DST: variants seen among roughly 807,000 people sequenced by gnomAD.
DST encodes dystonin.
A neutral mutation model predicts 875.2 loss-of-function variants in DST; 253 were observed. The observed-to-expected ratio is 0.29, with a 90% confidence interval of 0.26 to 0.32. The LOEUF is 0.32. Among genes scored for constraint, DST ranks in the 10% least tolerant of loss-of-function variants. The pLI is 1.00. For missense variants in DST, 8,287 were observed against 9,111.6 expected (o/e 0.91, Z 3.68); for synonymous variants, 3,124 against 3,197.1 (o/e 0.98, Z 0.77).
At chr6:56,896,464 T>C (rs533594834) in intron 3 of DST, among the ~76,000 whole-genome samples, 8 of 152,318 alleles carry the variant, frequency 5.3e-5, no homozygotes, top group African/African-American at 1.7e-4. Context: ...TCCCCAGCCA[T>C]GTGGAACTGT....
At chr6:56,566,163 A>T (rs532699729) in intron 55 of DST, among the ~76,000 whole-genome samples, 1 of 152,198 alleles carries the variant, frequency 6.6e-6, no homozygotes, top group East Asian at 1.9e-4. Flanking sequence ...GAGCTAGACC[A>T]CTTAGCTCCA....
At chr6:56,524,674 TA>T (rs2096765887) in intron 69 of DST, among the ~76,000 whole-genome samples, 1 of 152,142 alleles carries the variant, frequency 6.6e-6, no homozygotes, top group South Asian at 2.1e-4. Context: ...GAAATGAAGA[TA>T]AAAATACACA....
chr6:56,752,690 T>A (rs1375835981), intron 4 of DST, among the ~76,000 whole-genome samples: 4 of 152,256 alleles, frequency 2.6e-5, no homozygotes, highest in Admixed American at 2.6e-4. Flanking sequence ...TTTGACTGTA[T>A]GGACTTACCA....
chr6:56,529,633 C>T lies in DST; in HGVS notation c.17410G>A (p.Glu5804Lys). The change falls in exon 66 of 104, where the codon GAG becomes AAG. Residue 5804 changes from glutamate (E) to lysine (K), a missense_variant. Transcript: ENST00000680361. ...KLDFSQVWYI[E>K]IQEKSHSRSE... ...CTGCTGTGACTTTTCTCTTGAATCT[C>T]AATGTACCATACTTGAGAGAAGTCT... 6.2e-7 allele frequency: 1 copy of T among 1,613,792 alleles called. No homozygotes were observed. Among genetic ancestry groups the T allele is most frequent in the Non-Finnish European group, 8.5e-7 (1 of 1,179,778 alleles).
In DST at chr6:56,502,291, C is replaced by T. The variant is rs183581147; in HGVS notation, c.19567-598G>A. ...CAACCAACAGGTTAGCAAACAGTTG[C>T]TTGTAATAGGTAACTGTCCTTTCAT... On this transcript the variant is annotated intron_variant, in intron 78 of 103. Transcript: ENST00000680361. Among the ~76,000 whole-genome samples, 38 of 152,196 alleles carry T rather than the reference C, an allele frequency of 2.5e-4. No individual in the cohort carries two copies. The East Asian group carries it at 5.6e-3, about 22-fold the overall frequency.
At chr6:56,821,715 T>C (rs1449824150) in intron 4 of DST, among the ~76,000 whole-genome samples, 1 of 152,216 alleles carries the variant, frequency 6.6e-6, no homozygotes, top group African/African-American at 2.4e-5. Context: ...GAAAACAGTT[T>C]TACTAAACTG....
intron 84 of DST, 48 bp downstream of exon 84, chr6:56,492,886 A>C: frequency 7.2e-7 from 1 of 1,382,476 alleles, no homozygotes; most frequent in Non-Finnish European, 9.5e-7. Flanking sequence ...AAAAAAAAAA[A>C]GCCTGGTGTC....
chr6:56,728,018 A>T (rs569050397), intron 5 of DST, among the ~76,000 whole-genome samples: 1 of 152,340 alleles, frequency 6.6e-6, no homozygotes, highest in East Asian at 1.9e-4. Flanking sequence ...GGTCAAGCAC[A>T]TAATAAGCAC....
intron 23 of DST, 78 bp from the exon 24 acceptor site, chr6:56,635,792 G>A: frequency 6.8e-7 from 1 of 1,463,860 alleles, no homozygotes; most frequent in Non-Finnish European, 9.5e-7. Flanking sequence ...CCAATACCAA[G>A]GTCCTATGTG....
chr6:56,915,561 A>C (rs1229226354), intron 2 of DST, among the ~76,000 whole-genome samples: 1 of 152,130 alleles, frequency 6.6e-6, no homozygotes, highest in Admixed American at 6.5e-5. Flanking sequence ...GAGAGTGAAG[A>C]CAGGGACAGA....
chr6:56,680,016 G>A (rs1237678293), intron 9 of DST, among the ~76,000 whole-genome samples: 1 of 151,914 alleles, frequency 6.6e-6, no homozygotes, highest in Admixed American at 6.6e-5. Context: ...TCCCTCTCAC[G>A]TGGGTCTCTC....
chr6:56,499,881 G>A (rs746131384), intron 80 of DST, among the ~76,000 whole-genome samples: 3 of 152,060 alleles, frequency 2.0e-5, no homozygotes, highest in Non-Finnish European at 2.9e-5. Context: ...CTAGGCAGTT[G>A]GTCTCACCAG....
intron 3 of DST, among the ~76,000 whole-genome samples, chr6:56,865,058 C>T (rs1402476212): frequency 6.6e-6 from 1 of 152,152 alleles, no homozygotes; most frequent in Non-Finnish European, 1.5e-5. Context: ...AAAGGGAACA[C>T]TGAGGCTCCT....
At chr6:56,812,908 C>T (rs1253504470) in intron 4 of DST, among the ~76,000 whole-genome samples, 2 of 151,946 alleles carry the variant, frequency 1.3e-5, no homozygotes, top group Non-Finnish European at 2.9e-5. Flanking sequence ...GACTATAAAT[C>T]ATGCTGCTAT....
Position 56,459,253 on chromosome 6 carries a change from G to A in DST, c.23209C>T (p.Pro7737Ser), listed in dbSNP as rs1198535365. ...CCAGCTCGACTTCCTGGTCGGCTGG[G>A]AGTCTTCTTGGAATCTGAGGAAAGA... is the stretch of plus-strand genomic sequence containing the variant. The part of the protein sequence containing the change: ...RTQFADSKKT[P>S]SRPGSRAGSK... Residue 7737 changes from proline (P) to serine (S), a missense_variant, in exon 104 of 104, where the codon CCC becomes TCC. By Grantham distance (74) the Pro-to-Ser change is moderately conservative (BLOSUM62 -1). Transcript: ENST00000680361. 2 of 1,612,328 alleles carry A rather than the reference G, an allele frequency of 1.2e-6. No individual in the cohort carries two copies. The highest frequency in any genetic ancestry group is 1.7e-6 in the Non-Finnish European group (2 of 1,179,110).
chr6:56,944,137 G>A (rs1818199071), intron 2 of DST, among the ~76,000 whole-genome samples: 1 of 152,000 alleles, frequency 6.6e-6, no homozygotes, highest in Non-Finnish European at 1.5e-5. Flanking sequence ...ATAAAAATAA[G>A]ATACAATATG....
intron 2 of DST, among the ~76,000 whole-genome samples, chr6:56,919,774 C>T (rs1156835935): frequency 6.6e-6 from 1 of 152,084 alleles, no homozygotes; most frequent in Non-Finnish European, 1.5e-5. Context: ...TGGTGAAACC[C>T]CATCTCTACT....
intron 4 of DST, among the ~76,000 whole-genome samples, chr6:56,742,891 A>G (rs2099552233): frequency 1.3e-5 from 2 of 152,166 alleles, no homozygotes; most frequent in African/African-American, 4.8e-5. Flanking sequence ...TTATGGATAC[A>G]TTTTCATTTG....
intron 4 of DST, among the ~76,000 whole-genome samples, chr6:56,790,473 T>A (rs2099718259): frequency 6.6e-6 from 1 of 152,214 alleles, no homozygotes; most frequent in South Asian, 2.1e-4. Context: ...CTACCCCAGA[T>A]AAAGCCTATT....
Sources: allele counts gnomAD v4.1 joint callset (sites outside exome capture counted in the v4.1 genomes callset), GRCh38; gene constraint gnomAD v4.1.1; transcripts MANE v1.5; gene names NCBI Gene and HGNC (gene_info 2026-07-23, HGNC 2026-07-21).